The following LIG1 variants were observed in gnomAD, a reference collection of about 807,000 sequenced individuals.
LIG1 encodes DNA ligase 1, also known as ligase I, DNA, ATP-dependent.
A neutral mutation model predicts 115.7 loss-of-function variants in LIG1; 70 were observed. The observed-to-expected ratio is 0.60, with a 90% CI of 0.50 to 0.74. The LOEUF is 0.74. Ranked by LOEUF, LIG1 falls within the 30% of genes least tolerant of loss-of-function variation. The pLI, the probability that LIG1 is intolerant of heterozygous loss-of-function variation, is 0.00. For missense variants in LIG1, 1,115 were observed against 1,225.6 expected (o/e 0.91, Z 1.35); for synonymous variants, 487 against 495.3 (o/e 0.98, Z 0.22).
intron 11 of LIG1, among the ~76,000 whole-genome samples, chr19:48,141,560 G>A (rs922379776): frequency 2.0e-5 from 3 of 152,210 alleles, no homozygotes; most frequent in African/African-American, 4.8e-5. Context: ...GTCACAGAGC[G>A]AGTAAGTATG....
At chr19:48,131,340 C>A (rs927762003) in intron 18 of LIG1, among the ~76,000 whole-genome samples, 169 bp from the exon 19 acceptor site, 4 of 152,176 alleles carry the variant, frequency 2.6e-5, no homozygotes, top group African/African-American at 9.7e-5. Context: ...ACCTCCCAGC[C>A]CTGCTCTGGA....
At chr19:48,159,689 G>A (rs373666239) in intron 4 of LIG1, among the ~76,000 whole-genome samples, 1 of 151,934 alleles carries the variant, frequency 6.6e-6, no homozygotes. Flanking sequence ...AGGCACAGAA[G>A]GAGGCAATGC....
rs747005561 is a variant in LIG1, at chr19:48,137,505, C to T, written c.1254+17G>A. Reference sequence around the variant, plus strand: ...CAAGATGTCTGGGGTCCGGGATGAGCGGCCCGCCCCACTCACAGCACTGCC... The same window carrying T: ...CAAGATGTCTGGGGTCCGGGATGAGTGGCCCGCCCCACTCACAGCACTGCC... On this transcript the variant is annotated intron_variant, in intron 13 of 27. Coordinates refer to ENST00000263274, the MANE Select transcript of LIG1 (RefSeq NM_000234.3). This position sits in a 1 kb window ranked among gnomAD's most constrained non-coding sequence, Gnocchi z 4.3. The T allele has an allele frequency of 5.2e-5, 84 of 1,609,910 alleles. No individual in the cohort carries two copies. The highest frequency in any genetic ancestry group is 1.7e-4 in the Middle Eastern group (1 of 5,872).
At chr19:48,116,334 T>G (rs2032823266) in intron 26 of LIG1, among the ~76,000 whole-genome samples, 1 of 151,332 alleles carries the variant, frequency 6.6e-6, no homozygotes, top group African/African-American at 2.4e-5. Context: ...TAGTCCCAGC[T>G]ACTCAGGAAG....
intron 25 of LIG1, 156 bp from the exon 26 acceptor site, chr19:48,117,937 AC>A: frequency 1.4e-6 from 1 of 737,874 alleles, no homozygotes; most frequent in South Asian, 1.6e-5. Context: ...GAAACAAGAC[AC>A]CCCCTTGAAG....
chr19:48,131,933 CCTTTT>C (rs1198306105), intron 18 of LIG1, among the ~76,000 whole-genome samples: 1 of 137,470 alleles, frequency 7.3e-6, no homozygotes, highest in Non-Finnish European at 1.5e-5. Context: ...TTGGATCCAC[CCTTTT>C]TTTTTTTTTT....
intron 25 of LIG1, 54 bp downstream of exon 25, chr19:48,119,083 G>A: frequency 1.4e-6 from 2 of 1,417,906 alleles, no homozygotes; most frequent in Non-Finnish European, 2.0e-6. Flanking sequence ...GGACTGTGCT[G>A]TCAGGGGCAG....
chr19:48,160,196 A>T lies in LIG1; in HGVS notation c.243+1176T>A, dbSNP rs533015394. ...AAGACAATAAACTGACACTGTTTTA[A>T]GCCACTGCGTTTGTGGTCAATTGTT... On this transcript the variant is annotated intron_variant, in intron 4 of 27. Transcript: ENST00000263274. Among the ~76,000 whole-genome samples the T allele has an allele frequency of 2.0e-5, 3 of 152,372 alleles. No individual in the cohort carries two copies. In the South Asian group the frequency reaches 6.2e-4, roughly 32 times the overall value.
At chr19:48,148,889 T>TG (rs1374226648) in intron 9 of LIG1, among the ~76,000 whole-genome samples, 1 of 152,172 alleles carries the variant, frequency 6.6e-6, no homozygotes, top group Non-Finnish European at 1.5e-5. Flanking sequence ...TCACGAGGGC[T>TG]GGGGCAGGGC....
chr19:48,123,132 C>A, intron 22 of LIG1, 42 bp downstream of exon 22: 1 of 1,613,794 alleles, frequency 6.2e-7, no homozygotes, highest in East Asian at 2.2e-5. Context: ...CCGGGGTCAG[C>A]GCAAGCTGCA....
At chr19:48,164,861 G>A (rs149498228) in intron 2 of LIG1, among the ~76,000 whole-genome samples, 4 of 152,186 alleles carry the variant, frequency 2.6e-5, no homozygotes, top group African/African-American at 9.7e-5. Flanking sequence ...TGTGTTGTTG[G>A]GGGGGCTGTC....
rs182366242 is a variant in LIG1 at position 48,117,938 on chromosome 19, C to A, written c.2440-157G>T. The A allele has an allele frequency of 1.6e-5, 12 of 741,562 alleles. No individual in the cohort carries two copies. The South Asian group carries it at 1.7e-4, about 11-fold the overall frequency. The allele number at this position is 741,562 out of a possible 1,614,324, so 45.9% of individuals were successfully genotyped here. On this transcript the variant is annotated intron_variant, in intron 25 of 27. Coordinates refer to ENST00000263274, the MANE Select transcript of LIG1 (RefSeq NM_000234.3). ...GAAATAAGGGAAAAGAAACAAGACA[C>A]CCCCTTGAAGTAAACAGAAATAGAA...
chr19:48,136,617 G>T (rs1026704659), intron 14 of LIG1, among the ~76,000 whole-genome samples: 1 of 152,168 alleles, frequency 6.6e-6, no homozygotes, highest in Non-Finnish European at 1.5e-5. Context: ...AACTGATGAG[G>T]TAAGGCACGG....
At chr19:48,144,661 C>A (rs532844828) in intron 9 of LIG1, among the ~76,000 whole-genome samples, 10 of 152,130 alleles carry the variant, frequency 6.6e-5, no homozygotes, top group African/African-American at 2.4e-4. Flanking sequence ...ACGACCACAC[C>A]TGGCTGATTT....
intron 24 of LIG1, chr19:48,120,823 A>C: frequency 1.5e-6 from 1 of 648,690 alleles, no homozygotes; most frequent in Non-Finnish European, 2.0e-6. Context: ...GACAAAAAAA[A>C]ATGTGGGGAG....
At chr19:48,117,409 C>G (rs1458676491) in intron 26 of LIG1, among the ~76,000 whole-genome samples, 2 of 152,196 alleles carry the variant, frequency 1.3e-5, no homozygotes, top group African/African-American at 4.8e-5. Flanking sequence ...ATCTGCCTGC[C>G]TCGGTCTCCC....
At chr19:48,130,126 A>G (rs1051917419) in intron 19 of LIG1, among the ~76,000 whole-genome samples, 4 of 152,242 alleles carry the variant, frequency 2.6e-5, no homozygotes, top group Admixed American at 6.5e-5. Flanking sequence ...ACTTGGGTGT[A>G]TGAACTTTTC....
intron 5 of LIG1, chr19:48,154,423 A>C: frequency 2.0e-5 from 4 of 195,450 alleles, no homozygotes; most frequent in East Asian, 1.2e-4. Context: ...GTGTATAAAT[A>C]CCCCAGCTGC....
chr19:48,133,663 ACGG>A, intron 17 of LIG1, among the ~76,000 whole-genome samples: 1 of 152,050 alleles, frequency 6.6e-6, no homozygotes, highest in Middle Eastern at 3.2e-3. Flanking sequence ...TAGCGCGATG[ACGG>A]CTCACTGCAG....
Sources: gnomAD v4.1 joint callset for allele counts (sites outside exome capture counted in the v4.1 genomes callset) on GRCh38, gnomAD v4.1.1 for gene constraint, Gnocchi (gnomAD v3.1) non-coding constraint, MANE v1.5 for transcripts, NCBI Gene and HGNC (gene_info 2026-07-23, HGNC 2026-07-21) for gene names.